SERINC3: variants seen among roughly 807,000 people sequenced by gnomAD.
SERINC3 encodes serine incorporator 3.
Under a neutral mutation model 52.1 loss-of-function variants are expected in SERINC3, and 22 were observed. That is an observed-to-expected ratio of 0.42 (90% CI 0.30 to 0.60). The LOEUF is 0.60. Among genes scored for constraint, SERINC3 ranks in the 20% least tolerant of loss-of-function variants. The pLI is 0.16. For synonymous variants in SERINC3, 226 were observed against 212.7 expected (o/e 1.06, Z -0.54); for missense variants, 564 against 584.6 (o/e 0.96, Z 0.36).
chr20:44,511,444 C>CA (rs762758220), intron 3 of SERINC3, 76 bp from the exon 4 acceptor site: 90 of 907,920 alleles, frequency 9.9e-5, no homozygotes, highest in Non-Finnish European at 1.4e-4. Context: ...TTCTGAAATG[C>CA]AAAAATAATA....
At position 44,498,845 on chromosome 20, in the gene SERINC3, C is replaced by T. The variant is rs1275038496; in HGVS notation, c.*1451G>A. ...TTGATAAAGCCCTTTAAAATTCAGTCCCTGACTACATTTCCCCATTCCAGC... is the reference window on the plus strand; with the variant it reads ...TTGATAAAGCCCTTTAAAATTCAGTTCCTGACTACATTTCCCCATTCCAGC... On this transcript the variant is annotated 3_prime_UTR_variant, in exon 10 of 10. Coordinates refer to ENST00000342374, the MANE Select transcript of SERINC3 (RefSeq NM_006811.4). The T allele has an allele frequency of 6.6e-6, 1 of 152,174 alleles. No homozygotes were observed. Among genetic ancestry groups the T allele is most frequent in the Non-Finnish European group, 1.5e-5 (1 of 68,036 alleles). The allele number at this position is 152,174 out of a possible 1,614,324, so 9.4% of individuals were successfully genotyped here. A position where few individuals can be genotyped will look rare whatever the true frequency, so the allele number is the denominator to read the frequency against.
In SERINC3 at chr20:44,499,658, G is replaced by C. The variant is rs1035558502; in HGVS notation, c.*638C>G. On this transcript the variant is annotated 3_prime_UTR_variant, in exon 10 of 10. Transcript: ENST00000342374. ...AGCATTTATGGAAATTAATACATCT[G>C]GCAAAGCACCAGACTTGAATCAAGC... The C allele has an allele frequency of 6.6e-6, 1 of 152,288 alleles. No individual in the cohort carries two copies. Among genetic ancestry groups the C allele is most frequent in the East Asian group, 1.9e-4 (1 of 5,334 alleles). The allele number at this position is 152,288 out of a possible 1,614,324, so 9.4% of individuals were successfully genotyped here. A position where few individuals can be genotyped will look rare whatever the true frequency, so the allele number is the denominator to read the frequency against.
intron 1 of SERINC3, among the ~76,000 whole-genome samples, chr20:44,517,290 A>G (rs1455973911): frequency 1.3e-5 from 2 of 152,230 alleles, no homozygotes; most frequent in African/African-American, 4.8e-5. Flanking sequence ...AGCCAGTCTC[A>G]GTCTCCAATT....
chr20:44,509,814 G>C, intron 5 of SERINC3, 77 bp downstream of exon 5: 1 of 1,472,032 alleles, frequency 6.8e-7, no homozygotes, highest in Non-Finnish European at 9.4e-7. Context: ...TAGCTGCTGG[G>C]ACTATAATGA....
intron 3 of SERINC3, among the ~76,000 whole-genome samples, chr20:44,512,504 CG>C (rs1419353102): frequency 1.3e-5 from 2 of 151,914 alleles, no homozygotes; most frequent in Non-Finnish European, 2.9e-5. Flanking sequence ...TGTGTGTGTA[CG>C]TAGTATCTAG....
At chr20:44,515,077 G>C (rs1053506718) in intron 1 of SERINC3, among the ~76,000 whole-genome samples, 1 of 152,194 alleles carries the variant, frequency 6.6e-6, no homozygotes, top group African/African-American at 2.4e-5. Flanking sequence ...TATCTGGCTG[G>C]GTGCGGCAGC....
At chr20:44,521,878 G>C in intron 1 of SERINC3, 35 bp downstream of exon 1, 3 of 1,592,306 alleles carry the variant, frequency 1.9e-6, no homozygotes, top group Non-Finnish European at 2.6e-6. Flanking sequence ...CCCGCAAACC[G>C]CAGGTCCGGC....
At chr20:44,512,362 T>C (rs540498165) in intron 3 of SERINC3, among the ~76,000 whole-genome samples, 5 of 133,644 alleles carry the variant, frequency 3.7e-5, no homozygotes, top group African/African-American at 1.4e-4. Flanking sequence ...ATTAGAAACA[T>C]AGGTAAAAGG....
intron 1 of SERINC3, among the ~76,000 whole-genome samples, chr20:44,521,100 T>C (rs2064413803): frequency 6.6e-6 from 1 of 152,202 alleles, no homozygotes; most frequent in Non-Finnish European, 1.5e-5. Context: ...ACACATCAGG[T>C]GTCAAAAGTG....
intron 5 of SERINC3, among the ~76,000 whole-genome samples, chr20:44,508,860 G>A (rs2064330688): frequency 6.6e-6 from 1 of 152,198 alleles, no homozygotes. Flanking sequence ...AGGAAAATGG[G>A]TTGCAGATAG....
At chr20:44,511,464 C>A in intron 3 of SERINC3, 96 bp from the exon 4 acceptor site, 1 of 752,560 alleles carries the variant, frequency 1.3e-6, no homozygotes. Context: ...AACTTAATAG[C>A]TTTTTTCCCA....
At chr20:44,512,169 C>G (rs1032664611) in intron 3 of SERINC3, among the ~76,000 whole-genome samples, 2 of 151,900 alleles carry the variant, frequency 1.3e-5, no homozygotes, top group African/African-American at 4.8e-5. Flanking sequence ...AAAAATTAGC[C>G]AGGCATGGTG....
intron 3 of SERINC3, 79 bp from the exon 4 acceptor site, chr20:44,511,447 AAAT>A (rs2064347201): frequency 2.3e-6 from 2 of 884,806 alleles, no homozygotes; most frequent in Non-Finnish European, 3.6e-6. Context: ...TGAAATGCAA[AAAT>A]AATAACTTAA....
chr20:44,509,881 A>C lies in SERINC3; in HGVS notation c.613+10T>G, dbSNP rs6031639. On this transcript the variant is annotated intron_variant, in intron 5 of 9. Transcript: ENST00000342374. The stretch of plus-strand genomic sequence containing the variant: ...CAGTATGGCTAACATAGGTGAGTAG[A>C]GATACCTACCAGCATACCACAACCT... 8.1e-5 allele frequency: 131 copies of C among 1,613,932 alleles called. No individual in the cohort carries two copies. The African/African-American group carries it at 1.4e-3, about 18-fold the overall frequency.
At chr20:44,514,100 G>GA (rs1218814347) in intron 1 of SERINC3, 60 bp from the exon 2 acceptor site, 3 of 1,524,998 alleles carry the variant, frequency 2.0e-6, no homozygotes, top group Non-Finnish European at 2.7e-6. Context: ...TTATGACACA[G>GA]ATGTCGCAGA....
intron 4 of SERINC3, 65 bp downstream of exon 4, chr20:44,511,224 C>G: frequency 8.3e-7 from 1 of 1,208,032 alleles, no homozygotes; most frequent in Non-Finnish European, 1.2e-6. Flanking sequence ...TAAAATGTAG[C>G]TTTAACTCAA....
downstream of SERINC3, among the ~76,000 whole-genome samples, chr20:44,497,244 T>C (rs2064253706): frequency 1.3e-5 from 2 of 152,214 alleles, no homozygotes; most frequent in African/African-American, 2.4e-5. Context: ...CCTGGCCTTA[T>C]TCAGAATGCT....
intron 1 of SERINC3, among the ~76,000 whole-genome samples, chr20:44,518,772 C>T (rs1488724635): frequency 6.6e-6 from 1 of 152,082 alleles, no homozygotes. Flanking sequence ...CAAGACCGGC[C>T]TGACCAACAT....
chr20:44,514,105 C>A (rs750702805), intron 1 of SERINC3, 65 bp from the exon 2 acceptor site: 112 of 1,501,592 alleles, frequency 7.5e-5, no homozygotes, highest in Non-Finnish European at 5.5e-5. Context: ...ACACAGATGT[C>A]GCAGAAGAGA....
Sources: gnomAD v4.1 joint callset for allele counts (sites outside exome capture counted in the v4.1 genomes callset) on GRCh38, gnomAD v4.1.1 for gene constraint, MANE v1.5 for transcripts, NCBI Gene and HGNC (gene_info 2026-07-23, HGNC 2026-07-21) for gene names.